The following CD86 variants were observed in gnomAD, a reference collection of about 807,000 sequenced individuals.
The protein encoded by CD86 is CD86 molecule.
Under a neutral mutation model 32.1 loss-of-function variants are expected in CD86, and 11 were observed. The ratio of observed to expected loss-of-function variants is 0.34; its 90% CI spans 0.22 to 0.57. The LOEUF is 0.57. Ranked by LOEUF, CD86 falls within the 20% of genes least tolerant of loss-of-function variation. CD86 has a pLI of 0.86. For synonymous variants in CD86, 137 were observed against 135.3 expected (o/e 1.01, Z -0.09); for missense variants, 359 against 398.4 (o/e 0.90, Z 0.84).
chr3:122,094,172 C>T (rs1452204337), intron 2 of CD86, among the ~76,000 whole-genome samples: 4 of 152,196 alleles, frequency 2.6e-5, no homozygotes, highest in Admixed American at 6.5e-5. Flanking sequence ...GCCCTGGAAA[C>T]ACATTTCCAG....
At chr3:122,063,051 T>G (rs776840923) in intron 1 of CD86, among the ~76,000 whole-genome samples, 1 of 152,180 alleles carries the variant, frequency 6.6e-6, no homozygotes, top group African/African-American at 2.4e-5. Flanking sequence ...CTAAAATAAA[T>G]TTTATGTAAG....
chr3:122,095,879 T>C (rs2072899397), intron 2 of CD86, among the ~76,000 whole-genome samples: 1 of 152,118 alleles, frequency 6.6e-6, no homozygotes. Flanking sequence ...AGTCACTGAA[T>C]AGGATGTGTA....
At chr3:122,064,255 G>A (rs1477941693) in intron 1 of CD86, among the ~76,000 whole-genome samples, 1 of 151,644 alleles carries the variant, frequency 6.6e-6, no homozygotes, top group East Asian at 1.9e-4. Context: ...AAAAAAAAAA[G>A]CATAAAAATA....
chr3:122,073,346 C>A (rs2072515482), intron 1 of CD86, among the ~76,000 whole-genome samples: 1 of 151,834 alleles, frequency 6.6e-6, no homozygotes, highest in Non-Finnish European at 1.5e-5. Flanking sequence ...AGATCTTTTG[C>A]TCCTTATTAA....
chr3:122,104,057 A>C (rs2073053577), intron 3 of CD86, among the ~76,000 whole-genome samples: 1 of 152,276 alleles, frequency 6.6e-6, no homozygotes, highest in Non-Finnish European at 1.5e-5. Context: ...TACTTTTTAT[A>C]GTCTGCTTCT....
intron 1 of CD86, among the ~76,000 whole-genome samples, chr3:122,087,451 C>A (rs767541525): frequency 8.5e-5 from 13 of 152,278 alleles, no homozygotes; most frequent in Non-Finnish European, 1.5e-4. Context: ...TACACTTCTT[C>A]ACGGCCAATG....
intron 4 of CD86, 54 bp downstream of exon 4, chr3:122,106,554 T>G: frequency 6.9e-7 from 1 of 1,445,788 alleles, no homozygotes; most frequent in Non-Finnish European, 9.4e-7. Flanking sequence ...CACAAATGCT[T>G]AAGGCAGATC....
chr3:122,075,369 C>T (rs572226524), intron 1 of CD86, among the ~76,000 whole-genome samples: 1 of 152,208 alleles, frequency 6.6e-6, no homozygotes, highest in African/African-American at 2.4e-5. Flanking sequence ...ACAAAATCAG[C>T]TTTCAGCTAT....
At position 122,061,794 on chromosome 3, in the gene CD86, A is replaced by G. The variant is rs910951876; in HGVS notation, c.14+6291A>G. On this transcript the variant is annotated intron_variant, in intron 1 of 6. Coordinates refer to ENST00000330540, the MANE Select transcript of CD86 (RefSeq NM_175862.5). ...AGAAAACAGTTTGGCAGTTTCTTAT[A>G]AAACCAAACATGCATTTAGTATATG... is the stretch of plus-strand genomic sequence containing the variant. Among the ~76,000 whole-genome samples, 4 of 152,256 alleles carry G rather than the reference A, an allele frequency of 2.6e-5. No homozygotes were observed. In the South Asian group the frequency reaches 8.3e-4, roughly 31 times the overall value.
chr3:122,061,848 T>G (rs1475545607), intron 1 of CD86, among the ~76,000 whole-genome samples: 6 of 152,158 alleles, frequency 3.9e-5, no homozygotes, highest in Non-Finnish European at 8.8e-5. Context: ...TGGGTTTTGA[T>G]CCCAGAGAAA....
At chr3:122,109,113 G>A in intron 4 of CD86, 152 bp from the exon 5 acceptor site, 1 of 733,012 alleles carries the variant, frequency 1.4e-6, no homozygotes, top group Non-Finnish European at 2.2e-6. Flanking sequence ...CCTGAGCCTG[G>A]GACTTTCTAT....
In CD86 at chr3:122,116,342, A is replaced by G. The variant is rs1335846310; in HGVS notation, c.848-1706A>G. Among the ~76,000 whole-genome samples, 6 of 152,334 alleles carry G rather than the reference A, an allele frequency of 3.9e-5. No homozygotes were observed. In the East Asian group the frequency reaches 1.2e-3, roughly 29 times the overall value. ...AAAGGCAAGAAGAAGAGACTTGAACAGATACATAACAGAAGAAGATATACA... is the reference window on the plus strand; with the variant it reads ...AAAGGCAAGAAGAAGAGACTTGAACGGATACATAACAGAAGAAGATATACA... On this transcript the variant is annotated intron_variant, in intron 5 of 6. Coordinates refer to ENST00000330540, the MANE Select transcript of CD86 (RefSeq NM_175862.5).
At chr3:122,117,642 C>A (rs908099890) in intron 5 of CD86, among the ~76,000 whole-genome samples, 2 of 152,234 alleles carry the variant, frequency 1.3e-5, no homozygotes, top group South Asian at 2.1e-4. Flanking sequence ...TCTGGCTAGC[C>A]GATTTAGGCA....
At chr3:122,057,338 A>C (rs554169779) in intron 1 of CD86, among the ~76,000 whole-genome samples, 1 of 152,344 alleles carries the variant, frequency 6.6e-6, no homozygotes, top group East Asian at 1.9e-4. Context: ...GGAAAATCTT[A>C]GAAACAATTT....
At position 122,106,270 on chromosome 3, in the gene CD86, C is replaced by G; in HGVS notation, c.473C>G (p.Ser158Ter). The stretch of plus-strand genomic sequence containing the variant: ...AATGTGTACATAAATTTGACCTGCT[C>G]ATCTATACACGGTTACCCAGAACCT... ...TENVYINLTC[S>*]SIHGYPEPKK... The change falls in exon 4 of 7, where the codon TCA (serine) becomes TGA (stop). Residue 158 changes from serine to a stop codon, truncating the protein, a stop_gained. Coordinates refer to ENST00000330540, the MANE Select transcript of CD86 (RefSeq NM_175862.5). LOFTEE classifies it high-confidence loss of function. The G allele has an allele frequency of 6.2e-7, 1 of 1,613,546 alleles. No individual in the cohort carries two copies. The highest frequency in any genetic ancestry group is 8.5e-7 in the Non-Finnish European group (1 of 1,179,658).
intron 1 of CD86, chr3:122,086,522 T>G (rs2072723063): frequency 2.2e-6 from 1 of 452,148 alleles, no homozygotes; most frequent in African/African-American, 2.0e-5. Flanking sequence ...CAAGTAGTCA[T>G]ATTTCCCCAG....
chr3:122,095,171 ATTTT>A (rs4048621), intron 2 of CD86, among the ~76,000 whole-genome samples: 229 of 130,932 alleles, frequency 1.7e-3, no homozygotes, highest in Non-Finnish European at 3.0e-3. Context: ...TCACTTTAAG[ATTTT>A]TTTTTTTTTT....
In CD86 at chr3:122,110,900, A is replaced by C. The variant is rs531574079; in HGVS notation, c.847+1492A>C. Reference sequence around the variant, plus strand: ...CTAGATTTTTCTTCACATTAGAATGATCAGCTTACAAATGAAACAAAGAAG... The same window carrying C: ...CTAGATTTTTCTTCACATTAGAATGCTCAGCTTACAAATGAAACAAAGAAG... On this transcript the variant is annotated intron_variant, in intron 5 of 6. Transcript: ENST00000330540. 7.9e-5 allele frequency among the ~76,000 whole-genome samples: 12 copies of C among 152,332 alleles called. No homozygotes were observed. The South Asian group carries it at 2.5e-3, about 32-fold the overall frequency.
intron 1 of CD86, chr3:122,077,929 C>G (rs553980659): frequency 9.1e-6 from 9 of 985,450 alleles, no homozygotes; most frequent in African/African-American, 8.7e-5. Flanking sequence ...ACGGGGAGCT[C>G]GCAAATACTC....
Sources: allele counts gnomAD v4.1 joint callset (sites outside exome capture counted in the v4.1 genomes callset), GRCh38; gene constraint gnomAD v4.1.1; transcripts MANE v1.5; gene names NCBI Gene and HGNC (gene_info 2026-07-23, HGNC 2026-07-21).